Variants in NELL1 observed in about 807,000 individuals in gnomAD.
NELL1 encodes the protein protein kinase C-binding protein NELL1.
NELL1 carries 76 observed loss-of-function variants against 107.4 expected under a neutral mutation model. The ratio of observed to expected loss-of-function variants is 0.71; its 90% CI spans 0.59 to 0.86. NELL1 has a LOEUF of 0.86. NELL1 is among the 40% of genes least tolerant of loss of function. The pLI is 0.00. For synonymous variants in NELL1, 353 were observed against 341.2 expected, an observed-to-expected ratio of 1.03 and a Z score of -0.38; for missense variants, 1,024 against 1,005.5, an observed-to-expected ratio of 1.02 and a Z score of -0.25.
intron 15 of NELL1, among the ~76,000 whole-genome samples, chr11:21,375,958 G>C (rs766578247): frequency 6.6e-6 from 1 of 151,968 alleles, no homozygotes; most frequent in Non-Finnish European, 1.5e-5. Flanking sequence ...GCCTTTGTTG[G>C]AAGCATAGTT....
chr11:20,849,591 C>G (rs1848760663), intron 4 of NELL1, among the ~76,000 whole-genome samples: 1 of 152,098 alleles, frequency 6.6e-6, no homozygotes. Flanking sequence ...TCCAAATATT[C>G]CTTCTGTTTT....
chr11:21,163,060 G>A (rs1856406909), intron 13 of NELL1, among the ~76,000 whole-genome samples: 1 of 152,198 alleles, frequency 6.6e-6, no homozygotes, highest in African/African-American at 2.4e-5. Flanking sequence ...CTAAGTTAAT[G>A]ACACCGATGC....
chr11:21,257,257 C>T (rs532167592), intron 14 of NELL1, among the ~76,000 whole-genome samples: 2 of 152,116 alleles, frequency 1.3e-5, no homozygotes, highest in Admixed American at 6.6e-5. Flanking sequence ...TGCCACACCA[C>T]TAAGTGGGCA....
At chr11:21,096,166 C>T (rs1252331203) in intron 12 of NELL1, among the ~76,000 whole-genome samples, 1 of 152,178 alleles carries the variant, frequency 6.6e-6, no homozygotes, top group Non-Finnish European at 1.5e-5. Context: ...CTTTTTATGA[C>T]TTACCCTCTT....
chr11:21,407,694 C>CTT lies in NELL1; in HGVS notation c.1645+36759_1645+36760dup, dbSNP rs560297119. On this transcript the variant is annotated intron_variant, in intron 15 of 19. Transcript: ENST00000357134. ...CTTATCTAGTATCTCTCCAAATTAC[C>CTT]TTTTTTTTTTTTTTACCTCATCTCT... 2.4e-3 allele frequency among the ~76,000 whole-genome samples: 335 copies of CTT among 137,270 alleles called. 2 individuals are homozygous for CTT. Among genetic ancestry groups the CTT allele is most frequent in the South Asian group, 6.9e-3 (29 of 4,174 alleles). The allele number at this position is 137,270 out of a possible 152,430, so 90.1% of individuals were successfully genotyped here.
chr11:21,445,119 CT>C (rs2133850813), intron 15 of NELL1, among the ~76,000 whole-genome samples: 1 of 152,168 alleles, frequency 6.6e-6, no homozygotes, highest in East Asian at 1.9e-4. Flanking sequence ...TCTTATTGTA[CT>C]GTCTATGTCT....
chr11:21,028,558 T>G (rs770265168), intron 12 of NELL1, among the ~76,000 whole-genome samples: 3 of 152,170 alleles, frequency 2.0e-5, no homozygotes, highest in Non-Finnish European at 4.4e-5. Context: ...CCCAAGAATC[T>G]ACTACAACTG....
intron 12 of NELL1, among the ~76,000 whole-genome samples, chr11:21,075,296 A>T (rs1034221612): frequency 6.6e-6 from 1 of 152,186 alleles, no homozygotes; most frequent in African/African-American, 2.4e-5. Flanking sequence ...ACCCTTCTTC[A>T]TACCTCCATG....
chr11:20,855,989 C>A (rs577417444), intron 4 of NELL1, among the ~76,000 whole-genome samples: 1 of 152,332 alleles, frequency 6.6e-6, no homozygotes, highest in Non-Finnish European at 1.5e-5. Flanking sequence ...TAACAAGATT[C>A]ATCTATCTCC....
Position 21,470,042 on chromosome 11 carries a change from A to G in NELL1, c.1646-64332A>G, listed in dbSNP as rs540827622. 2.6e-5 allele frequency among the ~76,000 whole-genome samples: 4 copies of G among 152,220 alleles called. No individual in the cohort carries two copies. The East Asian group carries it at 7.7e-4, about 29-fold the overall frequency. ...TGATTAATGATATCCAAGCTTCAAT[A>G]GTAATTAACAATTACTCTATGCCAG... On this transcript the variant is annotated intron_variant, in intron 15 of 19. Coordinates refer to ENST00000357134, the MANE Select transcript of NELL1 (RefSeq NM_006157.5).
chr11:21,272,148 C>T (rs1258406279), intron 14 of NELL1, among the ~76,000 whole-genome samples: 1 of 152,198 alleles, frequency 6.6e-6, no homozygotes, highest in Non-Finnish European at 1.5e-5. Context: ...AATTCCCTTT[C>T]CTAGTCAAAG....
intron 16 of NELL1, among the ~76,000 whole-genome samples, chr11:21,545,024 TGTG>T: frequency 6.6e-6 from 1 of 152,094 alleles, no homozygotes; most frequent in East Asian, 1.9e-4. Context: ...TTTTTTAAAA[TGTG>T]GTCACTAAAA....
At chr11:21,308,917 T>A (rs1590823938) in intron 14 of NELL1, among the ~76,000 whole-genome samples, 1 of 151,794 alleles carries the variant, frequency 6.6e-6, no homozygotes, top group South Asian at 2.1e-4. Flanking sequence ...AGGAAAAGAG[T>A]TTAGGAGCAA....
chr11:20,765,043 A>T (rs1316336016), intron 2 of NELL1, among the ~76,000 whole-genome samples: 1 of 152,146 alleles, frequency 6.6e-6, no homozygotes, highest in Non-Finnish European at 1.5e-5. Flanking sequence ...CCATAGTCCC[A>T]GCTACTTCGG....
chr11:21,305,382 G>A (rs1289741296), intron 14 of NELL1, among the ~76,000 whole-genome samples: 1 of 152,018 alleles, frequency 6.6e-6, no homozygotes, highest in Admixed American at 6.6e-5. Context: ...CACTGTAAAA[G>A]ACTTGAGAAG....
At chr11:20,822,406 T>C (rs913465824) in intron 3 of NELL1, among the ~76,000 whole-genome samples, 3 of 152,222 alleles carry the variant, frequency 2.0e-5, no homozygotes, top group African/African-American at 4.8e-5. Context: ...GGGCTTGATA[T>C]AGCATAAATG....
intron 13 of NELL1, among the ~76,000 whole-genome samples, chr11:21,211,661 C>T (rs893509115): frequency 4.6e-5 from 7 of 151,920 alleles, no homozygotes; most frequent in Non-Finnish European, 7.4e-5. Flanking sequence ...CTTGGATAAG[C>T]GGAATGGCAA....
intron 15 of NELL1, among the ~76,000 whole-genome samples, chr11:21,437,017 T>C (rs1853140378): frequency 6.6e-6 from 1 of 152,212 alleles, no homozygotes; most frequent in Non-Finnish European, 1.5e-5. Flanking sequence ...TTAAGTCTTG[T>C]TTTATGACCT....
chr11:20,707,499 T>G (rs943997073), intron 2 of NELL1, among the ~76,000 whole-genome samples: 5 of 152,184 alleles, frequency 3.3e-5, no homozygotes, highest in African/African-American at 1.2e-4. Flanking sequence ...ATCTTTGTGG[T>G]TTTATCTACC....
Sources: allele counts gnomAD v4.1 joint callset (sites outside exome capture counted in the v4.1 genomes callset), GRCh38; gene constraint gnomAD v4.1.1; transcripts MANE v1.5; gene names NCBI Gene and HGNC (gene_info 2026-07-23, HGNC 2026-07-21).